The following USP32 variants were observed in gnomAD, a reference collection of about 807,000 sequenced individuals.
USP32 encodes ubiquitin specific peptidase 32, also known as ubiquitin carboxyl-terminal hydrolase 32.
A neutral mutation model predicts 204.8 loss-of-function variants in USP32; 59 were observed. The ratio of observed to expected loss-of-function variants is 0.29; its 90% CI spans 0.23 to 0.36. The LOEUF (loss-of-function observed/expected upper bound fraction) is 0.36, where lower values mean the gene tolerates loss of function less well. Ranked by LOEUF, USP32 falls within the 10% of genes least tolerant of loss-of-function variation. The probability of loss-of-function intolerance (pLI) is 1.00; values close to 1 mark genes in which losing one functional copy is unlikely to be tolerated. For synonymous variants in USP32, 517 were observed against 678.4 expected (o/e 0.76, Z 3.70); for missense variants, 1,160 against 1,946.4 (o/e 0.60, Z 7.60).
In USP32 at chr17:60,226,078, T is replaced by C. The variant is rs1370301013; in HGVS notation, c.1393A>G (p.Ile465Val). The change falls in exon 13 of 34, where the codon ATT (isoleucine) becomes GTT (valine). Residue 465 changes from isoleucine to valine, a missense_variant. Transcript: ENST00000300896. Reference protein sequence around the residue: ...NTTEEKFSDNISTASEASETA... With the variant: ...NTTEEKFSDNVSTASEASETA... ...TCTGAGGCTTCAGATGCAGTAGAAATGTTGTCTGAAAATTTCTCTTCTGTA... is the reference window on the plus strand; with the variant it reads ...TCTGAGGCTTCAGATGCAGTAGAAACGTTGTCTGAAAATTTCTCTTCTGTA... 4 of 1,606,584 alleles carry C rather than the reference T, an allele frequency of 2.5e-6. No individual in the cohort carries two copies. Among genetic ancestry groups the C allele is most frequent in the Non-Finnish European group, 3.4e-6 (4 of 1,177,458 alleles).
chr17:60,334,303 A>C lies in USP32; in HGVS notation c.186+11178T>G, dbSNP rs527360017. On this transcript the variant is annotated intron_variant, in intron 2 of 33. Coordinates refer to ENST00000300896, the MANE Select transcript of USP32 (RefSeq NM_032582.4). The stretch of plus-strand genomic sequence containing the variant: ...TGTTTGTATGCATAAGGTTTGATAA[A>C]TTTTAACTTTTAATAATAGATGTAT... 3.3e-5 allele frequency among the ~76,000 whole-genome samples: 5 copies of C among 152,282 alleles called. No individual in the cohort carries two copies. The South Asian group carries it at 1.0e-3, about 32-fold the overall frequency.
At chr17:60,232,362 G>A (rs1567788305) in intron 12 of USP32, among the ~76,000 whole-genome samples, 2 of 150,510 alleles carry the variant, frequency 1.3e-5, no homozygotes, top group Non-Finnish European at 3.0e-5. Flanking sequence ...TAGTAGAGTC[G>A]GGGTTTCACC....
Position 60,226,201 on chromosome 17 carries a change from A to G in USP32, c.1270T>C (p.Ser424Pro), listed in dbSNP as rs369181948. Residue 424 changes from serine (S) to proline (P), a missense_variant, in exon 13 of 34, where the codon TCT (serine) becomes CCT (proline). By Grantham distance (74) the Ser-to-Pro change is moderately conservative (BLOSUM62 -1). This residue lies in a region of USP32 where 536 missense variants were observed against 680.9 expected (regional missense o/e 0.79). Coordinates refer to ENST00000300896, the MANE Select transcript of USP32 (RefSeq NM_032582.4). ...GAGTATTTTCCTCCATTCAAAACAGATGATGGCTCAATTACCACAGGGTTG... is the reference window on the plus strand; with the variant it reads ...GAGTATTTTCCTCCATTCAAAACAGGTGATGGCTCAATTACCACAGGGTTG... ...DANPVVIEPS[S>P]VLNGGKYSFG... 8.3e-6 allele frequency: 13 copies of G among 1,560,526 alleles called. No individual in the cohort carries two copies. The African/African-American group carries it at 1.8e-4, about 22-fold the overall frequency.
At chr17:60,379,785 AC>A (rs1416879392) in intron 1 of USP32, among the ~76,000 whole-genome samples, 4 of 152,324 alleles carry the variant, frequency 2.6e-5, no homozygotes, top group South Asian at 4.1e-4. Context: ...TTAACAGAAA[AC>A]TAAATAAGAA....
chr17:60,208,885 T>C (rs1022682300), intron 22 of USP32, 57 bp from the exon 23 acceptor site: 2 of 1,477,618 alleles, frequency 1.4e-6, no homozygotes, highest in African/African-American at 2.9e-5. Flanking sequence ...AGCATTTCTA[T>C]ATAAATTCAA....
intron 12 of USP32, among the ~76,000 whole-genome samples, chr17:60,227,089 T>C (rs1192119663): frequency 6.6e-6 from 1 of 151,214 alleles, no homozygotes; most frequent in Non-Finnish European, 1.5e-5. Flanking sequence ...CCAAACATTG[T>C]ATTGTTTATA....
intron 2 of USP32, among the ~76,000 whole-genome samples, chr17:60,322,824 A>G (rs2088145343): frequency 6.6e-6 from 1 of 152,234 alleles, no homozygotes; most frequent in South Asian, 2.1e-4. Flanking sequence ...TATGCCAATT[A>G]CAAATTTCCA....
chr17:60,314,123 T>C (rs2087917534), intron 2 of USP32, among the ~76,000 whole-genome samples: 1 of 144,932 alleles, frequency 6.9e-6, no homozygotes, highest in Admixed American at 7.3e-5. Flanking sequence ...AAAGTTATTG[T>C]GTGGCTTTTT....
intron 1 of USP32, among the ~76,000 whole-genome samples, chr17:60,381,112 C>G (rs1302703277): frequency 6.6e-6 from 1 of 152,160 alleles, no homozygotes; most frequent in Non-Finnish European, 1.5e-5. Context: ...GGAGAAAGCA[C>G]AGCAGCACTA....
At chr17:60,356,566 G>T (rs1002437875) in intron 1 of USP32, among the ~76,000 whole-genome samples, 1 of 152,134 alleles carries the variant, frequency 6.6e-6, no homozygotes, top group African/African-American at 2.4e-5. Context: ...AATCTTAGCT[G>T]ACCACTAAGC....
chr17:60,324,922 G>C, intron 2 of USP32, among the ~76,000 whole-genome samples: 1 of 152,078 alleles, frequency 6.6e-6, no homozygotes, highest in African/African-American at 2.4e-5. Context: ...AAAATGGCTT[G>C]AACCAAGGAG....
At chr17:60,232,546 A>AT (rs11344960) in intron 12 of USP32, among the ~76,000 whole-genome samples, 1,008 of 100,730 alleles carry the variant, frequency 0.01, 6 homozygotes, top group Middle Eastern at 0.067. Context: ...GAGAAATTTG[A>AT]TTTTTTTTTT....
intron 1 of USP32, among the ~76,000 whole-genome samples, chr17:60,420,458 G>A (rs180736296): frequency 3.6e-4 from 55 of 152,096 alleles, no homozygotes; most frequent in Non-Finnish European, 5.7e-4. Flanking sequence ...ACCTGAAGTC[G>A]GGAGTTAGAC....
chr17:60,304,201 C>A (rs556815418), intron 2 of USP32, among the ~76,000 whole-genome samples: 44 of 151,444 alleles, frequency 2.9e-4, no homozygotes, highest in Admixed American at 5.2e-4. Flanking sequence ...TTAAAAAAAA[C>A]CCAAAAATTA....
intron 1 of USP32, among the ~76,000 whole-genome samples, chr17:60,353,205 C>T (rs1378656202): frequency 6.6e-6 from 1 of 151,986 alleles, no homozygotes; most frequent in Non-Finnish European, 1.5e-5. Flanking sequence ...AGGGCTCAAG[C>T]GCAACATAGG....
intron 2 of USP32, among the ~76,000 whole-genome samples, chr17:60,327,364 A>ACGTCAC (rs756545622): frequency 5.4e-4 from 77 of 141,972 alleles, no homozygotes; most frequent in Non-Finnish European, 1.0e-3. Context: ...CCTGTGCTCC[A>ACGTCAC]CGTCACCGAA....
chr17:60,214,056 C>T (rs2085041179), intron 17 of USP32, among the ~76,000 whole-genome samples: 1 of 151,956 alleles, frequency 6.6e-6, no homozygotes, highest in Non-Finnish European at 1.5e-5. Context: ...ATTCTCCTGC[C>T]TCAGCCTTCT....
chr17:60,416,442 A>C (rs2090062772), intron 1 of USP32, among the ~76,000 whole-genome samples: 1 of 152,132 alleles, frequency 6.6e-6, no homozygotes, highest in South Asian at 2.1e-4. Context: ...GCAAATTAAC[A>C]ACCCACAACC....
chr17:60,351,568 C>T (rs2088950833), intron 1 of USP32, among the ~76,000 whole-genome samples: 1 of 151,896 alleles, frequency 6.6e-6, no homozygotes, highest in South Asian at 2.1e-4. Context: ...GCTGGGAGTA[C>T]AGGCACGCAC....
Sources: allele counts gnomAD v4.1 joint callset (sites outside exome capture counted in the v4.1 genomes callset), GRCh38; gene constraint gnomAD v4.1.1; regional missense constraint gnomAD v4.1.1; transcripts MANE v1.5; gene names NCBI Gene and HGNC (gene_info 2026-07-23, HGNC 2026-07-21).